THSD7A: variants seen among roughly 807,000 people sequenced by gnomAD.
THSD7A encodes the protein thrombospondin type-1 domain-containing protein 7A.
Under a neutral mutation model 231.3 loss-of-function variants are expected in THSD7A, and 96 were observed. The ratio of observed to expected loss-of-function variants is 0.41; its 90% confidence interval spans 0.35 to 0.49. The LOEUF (loss-of-function observed/expected upper bound fraction) is 0.49, where lower values mean the gene tolerates loss of function less well. Among genes scored for constraint, THSD7A ranks in the 20% least tolerant of loss-of-function variants. THSD7A has a pLI of 0.05. For missense variants in THSD7A, 2,290 were observed against 2,070.2 expected, an observed-to-expected ratio of 1.11 and a Z score of -2.06; for synonymous variants, 940 against 743.3, an observed-to-expected ratio of 1.26 and a Z score of -4.30.
chr7:11,623,435 C>A (rs1781381446), intron 2 of THSD7A, among the ~76,000 whole-genome samples: 1 of 152,012 alleles, frequency 6.6e-6, no homozygotes, highest in Admixed American at 6.6e-5. Flanking sequence ...CCATATTATT[C>A]CTTGATTAGA....
chr7:11,499,059 G>A (rs780721929), intron 6 of THSD7A, among the ~76,000 whole-genome samples: 127 of 152,190 alleles, frequency 8.3e-4, no homozygotes, highest in Non-Finnish European at 1.7e-3. Context: ...CTCTGCCACT[G>A]CCTCTGTAGT....
chr7:11,768,894 T>A (rs988249576), intron 1 of THSD7A, among the ~76,000 whole-genome samples: 2 of 151,502 alleles, frequency 1.3e-5, no homozygotes, highest in African/African-American at 4.8e-5. Context: ...ATGCCACTCC[T>A]TTATGCTTTC....
intron 1 of THSD7A, among the ~76,000 whole-genome samples, chr7:11,708,805 T>C (rs1780853746): frequency 1.3e-5 from 2 of 150,900 alleles, no homozygotes; most frequent in South Asian, 4.1e-4. Flanking sequence ...TATCAAATAG[T>C]TATTATAGAC....
chr7:11,406,144 C>T lies in THSD7A; in HGVS notation c.4237+156G>A, dbSNP rs995851706. Among the ~76,000 whole-genome samples, 7 of 152,158 alleles carry T rather than the reference C, an allele frequency of 4.6e-5. No individual in the cohort carries two copies. Among genetic ancestry groups the T allele is most frequent in the African/African-American group, 1.7e-4 (7 of 41,432 alleles). On this transcript the variant is annotated intron_variant, in intron 22 of 27. Coordinates refer to ENST00000423059, the MANE Select transcript of THSD7A (RefSeq NM_015204.3). This position sits in a 1 kb window ranked among gnomAD's most constrained non-coding sequence, Gnocchi z 4.7. ...ACCTGGCAGTAATGAGACAGCGTCCCGTTCCCCACAGGCATAGTGTTGAGC... is the reference window on the plus strand; with the variant it reads ...ACCTGGCAGTAATGAGACAGCGTCCTGTTCCCCACAGGCATAGTGTTGAGC...
At chr7:11,588,711 T>C (rs17164855) in intron 4 of THSD7A, among the ~76,000 whole-genome samples, 3,139 of 152,214 alleles carry the variant, frequency 0.021, 109 homozygotes, top group African/African-American at 0.071. Context: ...AGGACATAAT[T>C]GACATTCCAA....
At chr7:11,685,831 T>G (rs1016012497) in intron 1 of THSD7A, among the ~76,000 whole-genome samples, 1 of 151,884 alleles carries the variant, frequency 6.6e-6, no homozygotes, top group Non-Finnish European at 1.5e-5. Context: ...GAACTAAAAA[T>G]AGAATTACCA....
intron 6 of THSD7A, among the ~76,000 whole-genome samples, chr7:11,491,727 G>T (rs1464872745): frequency 6.6e-6 from 1 of 152,034 alleles, no homozygotes; most frequent in Non-Finnish European, 1.5e-5. Context: ...TAAATAGATG[G>T]TTCCACATCA....
intron 1 of THSD7A, among the ~76,000 whole-genome samples, chr7:11,741,718 G>GTCAATT (rs145287152): frequency 0.027 from 4,064 of 151,894 alleles, 186 homozygotes; most frequent in African/African-American, 0.093. Flanking sequence ...AGTAAGATAA[G>GTCAATT]TCAATTTTTG....
At chr7:11,762,516 C>A (rs7802402) in intron 1 of THSD7A, among the ~76,000 whole-genome samples, 5,036 of 152,132 alleles carry the variant, frequency 0.033, 297 homozygotes, top group African/African-American at 0.11. Context: ...GTTTGCTGGC[C>A]GCTCAGGTGT....
intron 9 of THSD7A, among the ~76,000 whole-genome samples, chr7:11,466,364 A>T (rs1353227272): frequency 6.6e-6 from 1 of 152,168 alleles, no homozygotes; most frequent in Non-Finnish European, 1.5e-5. Flanking sequence ...ATAATGAAAA[A>T]AACTAACCTC....
chr7:11,384,581 C>A (rs1207450581), intron 23 of THSD7A: 2 of 151,892 alleles, frequency 1.3e-5, no homozygotes, highest in Admixed American at 6.6e-5. Context: ...ATGGATAACA[C>A]ATTTTGGCAA....
intron 13 of THSD7A, among the ~76,000 whole-genome samples, chr7:11,432,026 T>G (rs543651753): frequency 3.3e-5 from 5 of 152,124 alleles, no homozygotes; most frequent in Non-Finnish European, 5.9e-5. Flanking sequence ...TCTATAAGAT[T>G]GTGCCCAAAC....
At chr7:11,405,429 G>C (rs1286679721) in intron 22 of THSD7A, among the ~76,000 whole-genome samples, 1 of 151,968 alleles carries the variant, frequency 6.6e-6, no homozygotes, top group Non-Finnish European at 1.5e-5. Flanking sequence ...ATAATTATAA[G>C]CAAATTGGGA....
At chr7:11,643,319 A>C (rs1408474380) in intron 1 of THSD7A, among the ~76,000 whole-genome samples, 2 of 152,056 alleles carry the variant, frequency 1.3e-5, no homozygotes, top group East Asian at 1.9e-4. Flanking sequence ...CAATTAACAA[A>C]ATTAAAACAA....
chr7:11,628,460 C>A lies in THSD7A; in HGVS notation c.1022+7670G>T, dbSNP rs754216070. ...CTGGTGCATGCCTTCTAATCCTTAA[C>A]GCTAGCAGCATTTTCTCTAGGAGGC... On this transcript the variant is annotated intron_variant, in intron 2 of 27. Coordinates refer to ENST00000423059, the MANE Select transcript of THSD7A (RefSeq NM_015204.3). 5.9e-5 allele frequency among the ~76,000 whole-genome samples: 9 copies of A among 152,178 alleles called. No homozygotes were observed. The South Asian group carries it at 6.2e-4, about 11-fold the overall frequency.
In THSD7A at chr7:11,406,995, G is replaced by A; in HGVS notation, c.3977C>T (p.Pro1326Leu). Residue 1326 changes from proline (P) to leucine (L), a missense_variant, in exon 21 of 28, where the codon CCT (proline) becomes CTT (leucine). Pro to Leu is a moderately conservative substitution (Grantham distance 98). Coordinates refer to ENST00000423059, the MANE Select transcript of THSD7A (RefSeq NM_015204.3). The surrounding 1 kb of genome is among the most constrained non-coding windows in gnomAD (Gnocchi z 4.7). ...QPFQGDGRPC[P>L]SLMDQSKPCP... ...GGGTTTGGACTGGTCCATCAGGGAA[G>A]GGCATGGTCTTCCATCACCTTGAAA... 1 of 1,613,834 alleles carries A rather than the reference G, an allele frequency of 6.2e-7. No homozygotes were observed. The highest frequency in any genetic ancestry group is 8.5e-7 in the Non-Finnish European group (1 of 1,179,856).
chr7:11,585,880 G>C (rs1779878238), intron 4 of THSD7A, among the ~76,000 whole-genome samples: 1 of 152,044 alleles, frequency 6.6e-6, no homozygotes, highest in Non-Finnish European at 1.5e-5. Context: ...AACCCATGCA[G>C]ACATGGGAGG....
intron 1 of THSD7A, among the ~76,000 whole-genome samples, chr7:11,777,245 G>C (rs944101455): frequency 2.6e-5 from 4 of 152,072 alleles, no homozygotes; most frequent in African/African-American, 9.7e-5. Context: ...ACATTTTCAA[G>C]AGATTAACTA....
At chr7:11,612,908 A>T (rs943658484) in intron 2 of THSD7A, among the ~76,000 whole-genome samples, 21 of 152,130 alleles carry the variant, frequency 1.4e-4, no homozygotes, top group African/African-American at 4.8e-4. Context: ...CTTTGCTTTC[A>T]TGTGGTAAGG....
Sources: allele counts gnomAD v4.1 joint callset (sites outside exome capture counted in the v4.1 genomes callset), GRCh38; gene constraint gnomAD v4.1.1; non-coding constraint Gnocchi (gnomAD v3.1); transcripts MANE v1.5; gene names NCBI Gene and HGNC (gene_info 2026-07-23, HGNC 2026-07-21).